Variants in SIPA1L3 observed in about 807,000 individuals in gnomAD.
The protein encoded by SIPA1L3 is signal induced proliferation associated 1 like 3, also known as signal-induced proliferation-associated 1-like protein 3.
SIPA1L3 carries 59 observed loss-of-function variants against 150.1 expected under a neutral mutation model. The observed-to-expected ratio is 0.39, with a 90% CI of 0.32 to 0.49. The LOEUF (loss-of-function observed/expected upper bound fraction) is 0.49. Among genes scored for constraint, SIPA1L3 ranks in the 20% least tolerant of loss-of-function variants. The pLI, the probability that SIPA1L3 is intolerant of heterozygous loss-of-function variation, is 0.86. For missense variants in SIPA1L3, 2,211 were observed against 2,489.5 expected, an observed-to-expected ratio of 0.89 and a Z score of 2.38; for synonymous variants, 1,070 against 1,077.6, an observed-to-expected ratio of 0.99 and a Z score of 0.14.
At chr19:38,195,999 C>T (rs534560667) in intron 18 of SIPA1L3, among the ~76,000 whole-genome samples, 3 of 152,084 alleles carry the variant, frequency 2.0e-5, no homozygotes, top group African/African-American at 7.2e-5. Flanking sequence ...AGCACACACA[C>T]ACCCTTCTCT....
intron 1 of SIPA1L3, among the ~76,000 whole-genome samples, chr19:38,010,266 G>T (rs1280712551): frequency 6.6e-6 from 1 of 151,994 alleles, no homozygotes; most frequent in African/African-American, 2.4e-5. Flanking sequence ...AAATGAGCTG[G>T]GCATGTTGGC....
intron 3 of SIPA1L3, among the ~76,000 whole-genome samples, chr19:38,085,405 G>A (rs774863343): frequency 4.0e-5 from 6 of 151,500 alleles, no homozygotes; most frequent in Admixed American, 2.0e-4. Context: ...GCATGAACCC[G>A]GGAGGCAGAG....
At chr19:37,917,255 A>G (rs1408529662) in intron 1 of SIPA1L3, among the ~76,000 whole-genome samples, 2 of 152,200 alleles carry the variant, frequency 1.3e-5, no homozygotes, top group Non-Finnish European at 2.9e-5. Context: ...AATGGCTACC[A>G]CATCGGACAG....
chr19:38,009,531 T>C (rs533022740), intron 1 of SIPA1L3, among the ~76,000 whole-genome samples: 4 of 152,324 alleles, frequency 2.6e-5, no homozygotes, highest in African/African-American at 9.6e-5. Context: ...GCCAGTGTGC[T>C]TTTGAGGGTC....
intron 8 of SIPA1L3, among the ~76,000 whole-genome samples, chr19:38,115,625 T>C (rs1439389723): frequency 6.6e-6 from 1 of 152,114 alleles, no homozygotes; most frequent in Non-Finnish European, 1.5e-5. Flanking sequence ...ACCCTGGCCT[T>C]CCCTAGTCGG....
chr19:38,128,345 G>C (rs988957776), intron 9 of SIPA1L3, among the ~76,000 whole-genome samples: 2 of 152,034 alleles, frequency 1.3e-5, no homozygotes, highest in African/African-American at 4.8e-5. Context: ...GCATTGTTTT[G>C]GTCACACGTT....
At chr19:38,135,340 G>A (rs995999759) in intron 10 of SIPA1L3, among the ~76,000 whole-genome samples, 2 of 152,042 alleles carry the variant, frequency 1.3e-5, no homozygotes, top group Admixed American at 6.6e-5. Flanking sequence ...GGTGTCTCCG[G>A]TTCCCAGCCC....
At chr19:38,204,728 T>C (rs1304368870) in intron 21 of SIPA1L3, among the ~76,000 whole-genome samples, 1 of 151,868 alleles carries the variant, frequency 6.6e-6, no homozygotes, top group Admixed American at 6.6e-5. Flanking sequence ...ATCATGCCAC[T>C]GGGCTCCAGC....
At position 38,082,345 on chromosome 19, in the gene SIPA1L3, C is replaced by T; in HGVS notation, c.780C>T (p.Asp260=). 1.3e-6 allele frequency: 2 copies of T among 1,598,608 alleles called. No individual in the cohort carries two copies. Among genetic ancestry groups the T allele is most frequent in the South Asian group, 2.2e-5 (2 of 90,876 alleles). The part of the protein sequence containing the change: ...LMGGGGGAKG[D]SHNGQPAKDS... ...GGGGCGGCGGCGGAGCCAAGGGGGA[C>T]TCCCACAACGGGCAGCCCGCCAAGG... Residue 260 remains aspartate, a synonymous_variant, in exon 3 of 22, where the codon GAC becomes GAT. Transcript: ENST00000222345.
In SIPA1L3 at chr19:37,951,681, G is replaced by A. The variant is rs574983160; in HGVS notation, c.-379+44323G>A. On this transcript the variant is annotated intron_variant, in intron 1 of 21. Transcript: ENST00000222345. ...TGGGAGGCTGAGGTGGGCGGATCAC[G>A]AGGTCAGGAAATAGAGACTATCCTG... is the stretch of plus-strand genomic sequence containing the variant. Among the ~76,000 whole-genome samples, 348 of 151,840 alleles carry A rather than the reference G, an allele frequency of 2.3e-3. 1 individual carries two copies. The highest frequency in any genetic ancestry group is 8.0e-3 in the African/African-American group (331 of 41,380).
rs892456149 is a variant in SIPA1L3 at position 38,124,700 on chromosome 19, A to G, written c.2868+4818A>G. Among the ~76,000 whole-genome samples, 288 of 152,352 alleles carry G rather than the reference A, an allele frequency of 1.9e-3. 4 individuals carry two copies. The East Asian group carries it at 0.023, about 12-fold the overall frequency. ...AGCCGAGATCACGCCACTGCACTCC[A>G]GCCTGGGCACCATTGAGCACTGAGT... On this transcript the variant is annotated intron_variant, in intron 9 of 21. Transcript: ENST00000222345.
At chr19:37,921,023 C>T (rs1220348175) in intron 1 of SIPA1L3, among the ~76,000 whole-genome samples, 2 of 152,248 alleles carry the variant, frequency 1.3e-5, no homozygotes, top group Non-Finnish European at 2.9e-5. Flanking sequence ...ACCCGGCCTT[C>T]CTCTGGTGGG....
At chr19:38,049,066 G>A (rs1654340) in intron 2 of SIPA1L3, among the ~76,000 whole-genome samples, 59,644 of 149,530 alleles carry the variant, frequency 0.4, 13,468 homozygotes, top group African/African-American at 0.62. Context: ...TGGGCGACAG[G>A]GCGAGACCCC....
chr19:38,163,395 C>T (rs1972134786), intron 14 of SIPA1L3, among the ~76,000 whole-genome samples: 1 of 149,044 alleles, frequency 6.7e-6, no homozygotes, highest in Admixed American at 6.8e-5. Flanking sequence ...GAGGCTGAGG[C>T]ACAAGAATTG....
chr19:38,037,560 T>C (rs1968819927), intron 2 of SIPA1L3, among the ~76,000 whole-genome samples: 1 of 152,090 alleles, frequency 6.6e-6, no homozygotes, highest in Non-Finnish European at 1.5e-5. Context: ...GTTGAAAGAA[T>C]CAAATGAGCT....
chr19:38,083,229 C>T, intron 3 of SIPA1L3, 130 bp downstream of exon 3: 1 of 980,588 alleles, frequency 1.0e-6, no homozygotes, highest in Admixed American at 2.6e-5. Context: ...CAGAGACCTC[C>T]CTTCTGGAGG....
At chr19:38,202,951 A>G (rs534195983) in intron 20 of SIPA1L3, among the ~76,000 whole-genome samples, 4 of 152,274 alleles carry the variant, frequency 2.6e-5, no homozygotes, top group African/African-American at 9.6e-5. Context: ...ACAAAATTAA[A>G]AAGAGGCAGA....
At chr19:38,191,130 G>T (rs1423944254) in intron 16 of SIPA1L3, among the ~76,000 whole-genome samples, 1 of 152,212 alleles carries the variant, frequency 6.6e-6, no homozygotes, top group South Asian at 2.1e-4. Context: ...TTATAAGCTG[G>T]GCATGGTGGC....
chr19:38,088,436 A>G (rs949914618), intron 3 of SIPA1L3, among the ~76,000 whole-genome samples: 2 of 152,224 alleles, frequency 1.3e-5, no homozygotes, highest in African/African-American at 4.8e-5. Flanking sequence ...TTGCCTTCAC[A>G]TCCACTCTCT....
Sources: allele counts gnomAD v4.1 joint callset (sites outside exome capture counted in the v4.1 genomes callset), GRCh38; gene constraint gnomAD v4.1.1; transcripts MANE v1.5; gene names NCBI Gene and HGNC (gene_info 2026-07-23, HGNC 2026-07-21).